Variants in CLYBL observed in about 807,000 individuals in gnomAD.
CLYBL encodes citramalyl-CoA lyase, also known as citramalyl-CoA lyase, mitochondrial.
In CLYBL, 31 loss-of-function variants were observed where a neutral mutation model predicts 38.9. That is an observed-to-expected ratio of 0.80 (90% CI 0.60 to 1.08). The LOEUF is 1.08. Ranked by LOEUF, CLYBL falls within the 50% of genes least tolerant of loss-of-function variation. CLYBL has a pLI of 0.00. For missense variants in CLYBL, 434 were observed against 411.6 expected (o/e 1.05, Z -0.47); for synonymous variants, 171 against 158.6 (o/e 1.08, Z -0.59).
intron 1 of CLYBL, among the ~76,000 whole-genome samples, chr13:99,695,648 T>C (rs2047968241): frequency 6.6e-6 from 1 of 152,126 alleles, no homozygotes; most frequent in African/African-American, 2.4e-5. Context: ...GCCTCCCAAG[T>C]AGCTGGGATT....
chr13:99,742,117 A>G (rs2048767586), intron 1 of CLYBL, among the ~76,000 whole-genome samples: 1 of 152,146 alleles, frequency 6.6e-6, no homozygotes, highest in African/African-American at 2.4e-5. Context: ...CTGCAATTAC[A>G]TTTGCCACTA....
chr13:99,828,818 G>C (rs748603649), intron 2 of CLYBL, among the ~76,000 whole-genome samples: 11 of 152,050 alleles, frequency 7.2e-5, no homozygotes, highest in Non-Finnish European at 1.5e-4. Context: ...TTATTTCACT[G>C]TGAGCCTTGC....
At chr13:99,720,766 TTCTC>T (rs984849477) in intron 1 of CLYBL, among the ~76,000 whole-genome samples, 17 of 152,330 alleles carry the variant, frequency 1.1e-4, no homozygotes, top group African/African-American at 4.1e-4. Flanking sequence ...AATCTGTCTT[TTCTC>T]TCTATGTGTT....
chr13:99,649,837 AG>A (rs1427832102), intron 1 of CLYBL, among the ~76,000 whole-genome samples: 1 of 152,028 alleles, frequency 6.6e-6, no homozygotes, highest in Non-Finnish European at 1.5e-5. Flanking sequence ...ACTGCACTCC[AG>A]CCTGGGCAAC....
intron 1 of CLYBL, among the ~76,000 whole-genome samples, chr13:99,648,384 CAA>C (rs1566598652): frequency 6.6e-6 from 1 of 152,206 alleles, no homozygotes; most frequent in Non-Finnish European, 1.5e-5. Flanking sequence ...AGTTTTCTAA[CAA>C]GAGTGTGTAA....
chr13:99,711,402 TC>T (rs370472951), intron 1 of CLYBL, among the ~76,000 whole-genome samples: 5 of 114,878 alleles, frequency 4.4e-5, no homozygotes, highest in Non-Finnish European at 9.1e-5. Flanking sequence ...AGGGAGTCCG[TC>T]TTTTTTTTTT....
intron 1 of CLYBL, among the ~76,000 whole-genome samples, chr13:99,649,946 A>G (rs577344643): frequency 6.6e-6 from 1 of 151,718 alleles, no homozygotes; most frequent in East Asian, 2.0e-4. Flanking sequence ...GCAAGACCTC[A>G]TCCCTACAAA....
At chr13:99,751,335 C>T (rs1323062527) in intron 1 of CLYBL, among the ~76,000 whole-genome samples, 3 of 152,012 alleles carry the variant, frequency 2.0e-5, no homozygotes, top group Admixed American at 6.6e-5. Context: ...ATTCTCCTGC[C>T]TCAGCCTCCC....
intron 1 of CLYBL, among the ~76,000 whole-genome samples, chr13:99,745,030 C>G (rs112530904): frequency 2.2e-4 from 33 of 152,346 alleles, no homozygotes; most frequent in African/African-American, 5.8e-4. Flanking sequence ...CCCCAGCCAC[C>G]TATCCCTTAG....
intron 1 of CLYBL, among the ~76,000 whole-genome samples, chr13:99,614,007 A>C (rs1026584059): frequency 6.6e-6 from 1 of 152,110 alleles, no homozygotes; most frequent in African/African-American, 2.4e-5. Flanking sequence ...GTTCCCAGAA[A>C]CCCCTTAGGT....
rs568462055 is a variant in CLYBL, at chr13:99,733,176, T to A, written c.63-39648T>A. On this transcript the variant is annotated intron_variant, in intron 1 of 8. Coordinates refer to ENST00000339105, the MANE Select transcript of CLYBL (RefSeq NM_206808.5). ...TTCCTCCTCAAAGATTACTCCCTGT[T>A]CAGTCTTGTTAATGTGATCAGAGAT... Among the ~76,000 whole-genome samples the A allele has an allele frequency of 2.2e-4, 34 of 152,310 alleles. 1 individual carries two copies. In the South Asian group the frequency reaches 3.7e-3, roughly 17 times the overall value.
At chr13:99,675,445 C>T (rs979973568) in intron 1 of CLYBL, among the ~76,000 whole-genome samples, 1 of 152,088 alleles carries the variant, frequency 6.6e-6, no homozygotes, top group African/African-American at 2.4e-5. Flanking sequence ...GTTATGCAAC[C>T]ATCACCATGA....
intron 1 of CLYBL, among the ~76,000 whole-genome samples, chr13:99,612,665 G>C (rs1016073146): frequency 1.3e-5 from 2 of 152,024 alleles, no homozygotes; most frequent in African/African-American, 4.8e-5. Flanking sequence ...TGGGATTATG[G>C]ATGTGAGCCG....
At chr13:99,774,378 G>A (rs1041618567) in intron 2 of CLYBL, among the ~76,000 whole-genome samples, 2 of 152,180 alleles carry the variant, frequency 1.3e-5, no homozygotes, top group African/African-American at 4.8e-5. Flanking sequence ...TTCATTCAAT[G>A]ATTAGTTGAG....
intron 2 of CLYBL, among the ~76,000 whole-genome samples, chr13:99,792,426 G>T (rs976269481): frequency 3.3e-5 from 5 of 152,144 alleles, no homozygotes; most frequent in Non-Finnish European, 5.9e-5. Context: ...CAGAGCAGCC[G>T]CTCTCTTCTC....
chr13:99,819,428 AT>A (rs1451575648), intron 2 of CLYBL, among the ~76,000 whole-genome samples: 3 of 19,920 alleles, frequency 1.5e-4, no homozygotes, highest in Non-Finnish European at 1.9e-4. Context: ...ATATATATAT[AT>A]ATATATATAT....
chr13:99,829,775 G>A (rs867438475), intron 2 of CLYBL, among the ~76,000 whole-genome samples: 1 of 152,152 alleles, frequency 6.6e-6, no homozygotes, highest in Non-Finnish European at 1.5e-5. Context: ...AATCAACTCC[G>A]AAATGTGACA....
chr13:99,855,727 C>G (rs1241743966), intron 2 of CLYBL, among the ~76,000 whole-genome samples: 1 of 152,016 alleles, frequency 6.6e-6, no homozygotes, highest in African/African-American at 2.4e-5. Context: ...CCCAACCCAA[C>G]AGATGGCATG....
chr13:99,676,450 G>A (rs1390879620), intron 1 of CLYBL, among the ~76,000 whole-genome samples: 1 of 151,214 alleles, frequency 6.6e-6, no homozygotes, highest in Non-Finnish European at 1.5e-5. Context: ...ACAGGCACCT[G>A]CCACCAGGCC....
Sources: allele counts gnomAD v4.1 joint callset (sites outside exome capture counted in the v4.1 genomes callset), GRCh38; gene constraint gnomAD v4.1.1; transcripts MANE v1.5; gene names NCBI Gene and HGNC (gene_info 2026-07-23, HGNC 2026-07-21).